Variants in SCD5 observed in about 807,000 individuals in gnomAD.
The protein encoded by SCD5 is acyl-CoA-desaturase 4.
Under a neutral mutation model 30.4 loss-of-function variants are expected in SCD5, and 20 were observed. That is an observed-to-expected ratio of 0.66 (90% CI 0.46 to 0.96). The LOEUF is 0.96. SCD5 is among the 40% of genes least tolerant of loss of function. The pLI is 0.00. For synonymous variants in SCD5, 173 were observed against 176.4 expected, an observed-to-expected ratio of 0.98 and a Z score of 0.16; for missense variants, 381 against 443.3, an observed-to-expected ratio of 0.86 and a Z score of 1.26.
intron 3 of SCD5, among the ~76,000 whole-genome samples, chr4:82,652,326 C>T (rs1454090705): frequency 6.6e-6 from 1 of 152,190 alleles, no homozygotes; most frequent in Admixed American, 6.5e-5. Flanking sequence ...TAAGCAAGCA[C>T]AGTTTCTTAT....
At chr4:82,694,464 C>T (rs1246335791) in intron 2 of SCD5, among the ~76,000 whole-genome samples, 2 of 152,164 alleles carry the variant, frequency 1.3e-5, no homozygotes, top group Non-Finnish European at 2.9e-5. Flanking sequence ...CAGGAAAACT[C>T]TTGAGTATTT....
intron 1 of SCD5, among the ~76,000 whole-genome samples, chr4:82,756,018 AT>A (rs1423050141): frequency 6.6e-6 from 1 of 152,210 alleles, no homozygotes; most frequent in African/African-American, 2.4e-5. Context: ...CAGTATAGTG[AT>A]TTAGTGTTGG....
intron 1 of SCD5, among the ~76,000 whole-genome samples, chr4:82,745,665 C>T (rs980686306): frequency 1.3e-5 from 2 of 152,160 alleles, no homozygotes; most frequent in Non-Finnish European, 2.9e-5. Flanking sequence ...TCCTCCCACC[C>T]CTGCCCAATG....
At chr4:82,753,270 A>C (rs1371009042) in intron 1 of SCD5, 1 of 475,788 alleles carries the variant, frequency 2.1e-6, no homozygotes, top group East Asian at 6.5e-5. Context: ...ATTAATCCAC[A>C]TTCTCTAGAT....
At position 82,679,222 on chromosome 4, in the gene SCD5, A is replaced by AGAGAGAAAGAAAGAAAGAAAGAG. The variant is rs10632813; in HGVS notation, c.569+1484_569+1485insCTCTTTCTTTCTTTCTTTCTCTC. 6.4e-4 allele frequency among the ~76,000 whole-genome samples: 59 copies of AGAGAGAAAGAAAGAAAGAAAGAG among 91,478 alleles called. 4 individuals carry two copies. The highest frequency in any genetic ancestry group is 8.1e-4 in the Admixed American group (6 of 7,442). 60.0% of individuals were successfully genotyped at this position (91,478 alleles called of 152,430 possible). On this transcript the variant is annotated intron_variant, in intron 3 of 4. Coordinates refer to ENST00000319540, the MANE Select transcript of SCD5 (RefSeq NM_001037582.3). ...TCCAAAAAAAAAAAAAAAGAAAGAA[A>AGAGAGAAAGAAAGAAAGAAAGAG]AGAAAGAAAGAAAGAAAGAAAGAAA...
At chr4:82,705,178 C>G in intron 2 of SCD5, 105 bp downstream of exon 2, 1 of 1,414,264 alleles carries the variant, frequency 7.1e-7, no homozygotes, top group Middle Eastern at 2.1e-4. Flanking sequence ...GGCCTGAACA[C>G]TGAGTCTAGG....
intron 3 of SCD5, among the ~76,000 whole-genome samples, chr4:82,666,157 T>C (rs1006540317): frequency 6.6e-6 from 1 of 152,190 alleles, no homozygotes; most frequent in Non-Finnish European, 1.5e-5. Context: ...CTACTTTTTA[T>C]GTCTTACCAT....
rs1307711607 is a variant in SCD5, at chr4:82,631,408, C to T, written c.912G>A (p.Leu304=). The T allele has an allele frequency of 6.2e-7, 1 of 1,614,156 alleles. No homozygotes were observed. Among genetic ancestry groups the T allele is most frequent in the African/African-American group, 1.3e-5 (1 of 75,044 alleles). The part of the protein sequence containing the change: ...TTWFIDFMCW[L]GLATDRKRAT... ...CCCGTTTGCGGTCAGTGGCCAGCCC[C>T]AGCCAGCACATGAAATCAATGAACC... The change falls in exon 5 of 5, where the codon CTG becomes CTA. Residue 304 remains leucine, a synonymous_variant. Coordinates refer to ENST00000319540, the MANE Select transcript of SCD5 (RefSeq NM_001037582.3).
intron 2 of SCD5, among the ~76,000 whole-genome samples, chr4:82,681,872 C>A (rs1728584569): frequency 6.6e-6 from 1 of 152,106 alleles, no homozygotes; most frequent in Non-Finnish European, 1.5e-5. Flanking sequence ...GTTCTTGGCC[C>A]AGATGTCTCT....
intron 3 of SCD5, among the ~76,000 whole-genome samples, chr4:82,664,999 C>CTCTCTCTCTCTCTCTCTCTCTA (rs1219554314): frequency 1.4e-5 from 1 of 70,486 alleles, no homozygotes; most frequent in Admixed American, 1.7e-4. Flanking sequence ...CTCTCTCTCT[C>CTCTCTCTCTCTCTCTCTCTCTA]TATATATATA....
chr4:82,712,564 C>T (rs1314509613), intron 1 of SCD5, among the ~76,000 whole-genome samples: 2 of 151,756 alleles, frequency 1.3e-5, no homozygotes, highest in Non-Finnish European at 2.9e-5. Flanking sequence ...GAGCTGCCCG[C>T]CTTGGCCTCC....
At chr4:82,695,131 T>C (rs544966479) in intron 2 of SCD5, among the ~76,000 whole-genome samples, 1 of 152,108 alleles carries the variant, frequency 6.6e-6, no homozygotes, top group Non-Finnish European at 1.5e-5. Flanking sequence ...AGAATTACAC[T>C]GAAGTACACC....
intron 3 of SCD5, among the ~76,000 whole-genome samples, chr4:82,671,248 A>C (rs1728316398): frequency 6.6e-6 from 1 of 152,156 alleles, no homozygotes; most frequent in African/African-American, 2.4e-5. Context: ...TGAAGCAAAA[A>C]CTGATAAAAC....
At chr4:82,724,749 T>C (rs1720436828) in intron 1 of SCD5, among the ~76,000 whole-genome samples, 1 of 152,304 alleles carries the variant, frequency 6.6e-6, no homozygotes, top group East Asian at 1.9e-4. Context: ...AAGTGCTTGG[T>C]AAGTGGTAGA....
chr4:82,677,520 G>A (rs1315749599), intron 3 of SCD5, among the ~76,000 whole-genome samples: 4 of 152,172 alleles, frequency 2.6e-5, no homozygotes, highest in African/African-American at 4.8e-5. Flanking sequence ...CCTCTCCACC[G>A]TCTAACTGGC....
intron 3 of SCD5, among the ~76,000 whole-genome samples, chr4:82,658,622 A>C (rs1727916530): frequency 7.9e-6 from 1 of 125,944 alleles, no homozygotes; most frequent in Admixed American, 8.6e-5. Context: ...GTGTGCTACC[A>C]CACCTGGCTT....
chr4:82,783,181 A>G (rs1043615658), intron 1 of SCD5, among the ~76,000 whole-genome samples: 1 of 151,974 alleles, frequency 6.6e-6, no homozygotes, highest in African/African-American at 2.4e-5. Context: ...AGTACAACTC[A>G]CTCATGACTG....
At chr4:82,661,063 T>C (rs765357315) in intron 3 of SCD5, 1 of 1,613,346 alleles carries the variant, frequency 6.2e-7, no homozygotes, top group Non-Finnish European at 8.5e-7. Flanking sequence ...TCCTTCTTTC[T>C]GGATGTGCTG....
chr4:82,758,708 G>A (rs892025744), intron 1 of SCD5, among the ~76,000 whole-genome samples: 1 of 152,092 alleles, frequency 6.6e-6, no homozygotes, highest in Admixed American at 6.5e-5. Context: ...CAGGCTCTGT[G>A]AGCATGGGCC....
Sources: gnomAD v4.1 joint callset for allele counts (sites outside exome capture counted in the v4.1 genomes callset) on GRCh38, gnomAD v4.1.1 for gene constraint, MANE v1.5 for transcripts, NCBI Gene and HGNC (gene_info 2026-07-23, HGNC 2026-07-21) for gene names.